Variants in POLG2 observed in about 807,000 individuals in gnomAD.
POLG2 encodes the protein DNA polymerase subunit gamma-2.
In POLG2, 50 loss-of-function variants were observed where a neutral mutation model predicts 56.5. That is an observed-to-expected ratio of 0.88 (90% CI 0.71 to 1.12). The LOEUF (loss-of-function observed/expected upper bound fraction) is 1.12. Among genes scored for constraint, POLG2 ranks in the 50% most tolerant of loss-of-function variants. The pLI, the probability that POLG2 is intolerant of heterozygous loss-of-function variation, is 0.00. For synonymous variants in POLG2, 226 were observed against 222.6 expected (o/e 1.02, Z -0.14); for missense variants, 584 against 583.3 (o/e 1.00, Z -0.01).
chr17:64,493,182 T>G (rs2038093135), intron 1 of POLG2, among the ~76,000 whole-genome samples, 161 bp from the exon 2 acceptor site: 1 of 151,748 alleles, frequency 6.6e-6, no homozygotes, highest in African/African-American at 2.4e-5. Flanking sequence ...CTTTGGGAGG[T>G]CGAGGTGGGC....
intron 4 of POLG2, among the ~76,000 whole-genome samples, chr17:64,488,914 C>T (rs1555668003): frequency 6.6e-6 from 1 of 151,942 alleles, no homozygotes; most frequent in Non-Finnish European, 1.5e-5. Flanking sequence ...CACTGCACTC[C>T]AGCCTGGGCA....
In POLG2 at chr17:64,496,786, C is replaced by T. The variant is rs782626115; in HGVS notation, c.183G>A (p.Gly61=). 2 of 1,613,938 alleles carry T rather than the reference C, an allele frequency of 1.2e-6. No homozygotes were observed. The highest frequency in any genetic ancestry group is 1.7e-6 in the Non-Finnish European group (2 of 1,180,030). Residue 61 remains glycine, a synonymous_variant, in exon 1 of 8, where the codon GGG becomes GGA. Coordinates refer to ENST00000539111, the MANE Select transcript of POLG2 (RefSeq NM_007215.4). ...EGNGEHPEAP[G]SGEGSEALLE... is the part of the protein sequence containing the mutation. Reference sequence around the variant, plus strand: ...ACAGCGCCTCGCTTCCCTCTCCAGACCCGGGGGCTTCTGGGTGCTCGCCGT... The same window carrying T: ...ACAGCGCCTCGCTTCCCTCTCCAGATCCGGGGGCTTCTGGGTGCTCGCCGT...
chr17:64,490,161 G>C (rs1383158612), intron 4 of POLG2, among the ~76,000 whole-genome samples: 1 of 152,104 alleles, frequency 6.6e-6, no homozygotes, highest in Non-Finnish European at 1.5e-5. Context: ...TTGACCTCAT[G>C]ATCCTCCCAC....
chr17:64,491,921 C>G, intron 3 of POLG2: 1 of 134,448 alleles, frequency 7.4e-6, no homozygotes, highest in Non-Finnish European at 1.5e-5. Context: ...ATGACTGGTA[C>G]TTGTGAAAAA....
At chr17:64,488,179 C>T (rs2037991219) in intron 4 of POLG2, among the ~76,000 whole-genome samples, 1 of 152,054 alleles carries the variant, frequency 6.6e-6, no homozygotes, top group Admixed American at 6.5e-5. Flanking sequence ...GCCTGAGCAA[C>T]ACAGCGAGAC....
At chr17:64,491,260 A>T (rs1180865757) in intron 3 of POLG2, among the ~76,000 whole-genome samples, 1 of 152,152 alleles carries the variant, frequency 6.6e-6, no homozygotes, top group Admixed American at 6.5e-5. Flanking sequence ...CAGGATTCAG[A>T]GTAGCTGGGA....
At chr17:64,489,465 A>T (rs2038018744) in intron 4 of POLG2, among the ~76,000 whole-genome samples, 1 of 151,960 alleles carries the variant, frequency 6.6e-6, no homozygotes, top group African/African-American at 2.4e-5. Context: ...CAGTAAGGCA[A>T]AATTTGGTGA....
chr17:64,479,050 G>C (rs7214692), intron 7 of POLG2, among the ~76,000 whole-genome samples: 9,972 of 152,120 alleles, frequency 0.066, 444 homozygotes, highest in Admixed American at 0.15. Context: ...TGTCCACATG[G>C]CTCAAAGGAT....
rs2037793086 is a variant in POLG2, at chr17:64,477,940, A to C, written c.1341T>G (p.Thr447=). ...ILFTVLVTET[T]LENGLIHLRS... is the part of the protein sequence containing the mutation. ...TCAGATGTATTAATCCATTCTCCAA[A>C]GTAGTTTCAGTAACCAAAACTGTGA... The change falls in exon 8 of 8, where the codon ACT becomes ACG. Residue 447 remains threonine (T), a synonymous_variant. Transcript: ENST00000539111. 6.2e-7 allele frequency: 1 copy of C among 1,613,906 alleles called. No individual in the cohort carries two copies. The highest frequency in any genetic ancestry group is 1.1e-5 in the South Asian group (1 of 91,080).
At chr17:64,478,713 T>C (rs560717311) in intron 7 of POLG2, among the ~76,000 whole-genome samples, 17 of 151,780 alleles carry the variant, frequency 1.1e-4, no homozygotes, top group African/African-American at 4.1e-4. Flanking sequence ...CTGGCCAACA[T>C]AGTGAAACCC....
At chr17:64,491,675 C>A in intron 3 of POLG2, 1 of 1,241,196 alleles carries the variant, frequency 8.1e-7, no homozygotes, top group South Asian at 1.2e-5. Flanking sequence ...AGTACATCAA[C>A]GTGAAGAAGG....
intron 4 of POLG2, among the ~76,000 whole-genome samples, chr17:64,487,821 G>A (rs997421631): frequency 6.6e-6 from 1 of 151,958 alleles, no homozygotes; most frequent in Non-Finnish European, 1.5e-5. Context: ...GGGCAACATG[G>A]CAAGATCCCA....
intron 4 of POLG2, chr17:64,487,036 A>C (rs1324858227): frequency 2.6e-5 from 4 of 152,174 alleles, no homozygotes; most frequent in African/African-American, 9.6e-5. Flanking sequence ...ATATTCATGT[A>C]ATTTTTAAAA....
intron 4 of POLG2, chr17:64,486,798 G>T (rs2037964170): frequency 6.6e-6 from 1 of 152,118 alleles, no homozygotes; most frequent in African/African-American, 2.4e-5. Flanking sequence ...TCATAAAAAA[G>T]AAATCTTTCA....
intron 5 of POLG2, chr17:64,484,293 G>A (rs1555667070): frequency 6.6e-6 from 1 of 152,272 alleles, no homozygotes; most frequent in African/African-American, 2.4e-5. Flanking sequence ...TCGAAAGAAG[G>A]TGGGGGGACG....
chr17:64,493,155 C>G (rs373464781), intron 1 of POLG2, 134 bp from the exon 2 acceptor site: 2 of 968,738 alleles, frequency 2.1e-6, no homozygotes, highest in Admixed American at 3.8e-5. Context: ...TGGTGGCTCA[C>G]GCCTATAATC....
rs1555669507 is a variant in POLG2, at chr17:64,496,409, T to G, written c.560A>C (p.His187Pro). ...AAGCATGAAATCGTGAAGCATACCG[T>G]GAAGAAGGTTCTCCCGTAGTTTCCC... ...TSGKLRENLL[H>P]GALEHYVNCL... Residue 187 changes from histidine (H) to proline (P), a missense_variant and splice_region_variant, in exon 1 of 8, where the codon CAC (histidine) becomes CCC (proline). Coordinates refer to ENST00000539111, the MANE Select transcript of POLG2 (RefSeq NM_007215.4). The G allele has an allele frequency of 6.4e-7, 1 of 1,568,024 alleles. No individual in the cohort carries two copies. The highest frequency in any genetic ancestry group is 1.1e-5 in the South Asian group (1 of 87,178).
intron 1 of POLG2, among the ~76,000 whole-genome samples, chr17:64,494,886 T>C (rs553032287): frequency 1.3e-5 from 2 of 152,272 alleles, no homozygotes; most frequent in South Asian, 4.1e-4. Context: ...GAAACCAAGA[T>C]CTGGAGGCCG....
At chr17:64,481,201 C>G (rs979527478) in intron 6 of POLG2, 1 of 836,984 alleles carries the variant, frequency 1.2e-6, no homozygotes, top group Non-Finnish European at 1.4e-6. Context: ...CTACAGCATC[C>G]TAGGAGCTTC....
Sources: gnomAD v4.1 joint callset for allele counts (sites outside exome capture counted in the v4.1 genomes callset) on GRCh38, gnomAD v4.1.1 for gene constraint, MANE v1.5 for transcripts, NCBI Gene and HGNC (gene_info 2026-07-23, HGNC 2026-07-21) for gene names.